Variants in TENM3 observed in about 807,000 individuals in gnomAD.
TENM3 encodes the protein teneurin-3.
A neutral mutation model predicts 255.1 loss-of-function variants in TENM3; 63 were observed. The ratio of observed to expected loss-of-function variants is 0.25; its 90% CI spans 0.20 to 0.30. The LOEUF is 0.30. Among genes scored for constraint, TENM3 ranks in the 10% least tolerant of loss-of-function variants. The probability of loss-of-function intolerance (pLI) is 1.00; values close to 1 mark genes in which losing one functional copy is unlikely to be tolerated. For missense variants in TENM3, 2,929 were observed against 3,461.1 expected (o/e 0.85, Z 3.86); for synonymous variants, 1,306 against 1,322.3 (o/e 0.99, Z 0.27).
At chr4:181,898,753 G>T in the TENM3 span, among the ~76,000 whole-genome samples, 1 of 152,150 alleles carries the variant, frequency 6.6e-6, no homozygotes, top group African/African-American at 2.4e-5. Flanking sequence ...TCTGTCATGT[G>T]TGTGTGATTC....
chr4:181,855,793 C>A, the TENM3 span, among the ~76,000 whole-genome samples: 1 of 145,836 alleles, frequency 6.9e-6, no homozygotes, highest in Non-Finnish European at 1.5e-5. Flanking sequence ...AGAAAGAAAA[C>A]AGAAAATGAG....
Position 182,552,025 on chromosome 4 carries a change from C to CA in TENM3, c.512-48882dup, listed in dbSNP as rs11354411. On this transcript the variant is annotated intron_variant, in intron 3 of 27. Coordinates refer to ENST00000511685, the MANE Select transcript of TENM3 (RefSeq NM_001080477.4). The stretch of plus-strand genomic sequence containing the variant: ...GGGGTGACAGAGCAAGACCCTGTCT[C>CA]AAAAAAAAAAAAAAAAAGTTAAATG... Among the ~76,000 whole-genome samples the CA allele has an allele frequency of 6.8e-3, 743 of 108,646 alleles. 4 individuals are homozygous for CA. The highest frequency in any genetic ancestry group is 0.023 in the Middle Eastern group (5 of 214). The allele number at this position is 108,646 out of a possible 152,430, so 71.3% of individuals were successfully genotyped here.
the TENM3 span, among the ~76,000 whole-genome samples, chr4:181,570,538 A>G: frequency 6.6e-6 from 1 of 151,678 alleles, no homozygotes; most frequent in African/African-American, 2.4e-5. Context: ...CGAAGGAAAG[A>G]AAGAAAGAAA....
At chr4:181,605,574 G>A in the TENM3 span, among the ~76,000 whole-genome samples, 1,902 of 21,538 alleles carry the variant, frequency 0.088, 322 homozygotes, top group East Asian at 0.12. Context: ...AAGAAAGAGA[G>A]AGAAAGAAAG....
At chr4:181,876,469 C>T in the TENM3 span, among the ~76,000 whole-genome samples, 4 of 152,092 alleles carry the variant, frequency 2.6e-5, no homozygotes, top group South Asian at 4.1e-4. Context: ...TGCTGTAATA[C>T]GTTTCCTCTG....
At chr4:182,430,186 T>C (rs556171327) in intron 3 of TENM3, among the ~76,000 whole-genome samples, 2 of 152,228 alleles carry the variant, frequency 1.3e-5, no homozygotes, top group South Asian at 4.1e-4. Flanking sequence ...TAGAGAAAAA[T>C]GTTATTAGGC....
At chr4:182,395,247 A>G (rs1768728425) in intron 3 of TENM3, among the ~76,000 whole-genome samples, 1 of 152,194 alleles carries the variant, frequency 6.6e-6, no homozygotes, top group Non-Finnish European at 1.5e-5. Context: ...AGCCTCCTAT[A>G]CAGCCTGGCT....
intron 3 of TENM3, among the ~76,000 whole-genome samples, chr4:182,394,949 A>T (rs1768698962): frequency 6.6e-6 from 1 of 152,176 alleles, no homozygotes; most frequent in Admixed American, 6.5e-5. Context: ...CGATTCATTC[A>T]TCTTGTTACT....
chr4:182,095,645 TG>T, the TENM3 span, among the ~76,000 whole-genome samples: 6 of 152,164 alleles, frequency 3.9e-5, no homozygotes, highest in Non-Finnish European at 7.4e-5. Flanking sequence ...GAATAATACC[TG>T]GTGTTCAGTA....
chr4:181,536,737 C>T, the TENM3 span, among the ~76,000 whole-genome samples: 1 of 152,228 alleles, frequency 6.6e-6, no homozygotes, highest in Non-Finnish European at 1.5e-5. Context: ...AAATAGCTTT[C>T]ATTATTCTGT....
At chr4:181,810,788 T>C in the TENM3 span, among the ~76,000 whole-genome samples, 2 of 152,032 alleles carry the variant, frequency 1.3e-5, no homozygotes, top group African/African-American at 4.8e-5. Context: ...GAGGAAGTCT[T>C]GGACTAAATG....
chr4:181,915,474 G>A, the TENM3 span, among the ~76,000 whole-genome samples: 3 of 152,020 alleles, frequency 2.0e-5, no homozygotes, highest in East Asian at 1.9e-4. Flanking sequence ...TTGATAGAAA[G>A]AAAATCACTA....
At chr4:182,567,857 A>T (rs1034596228) in intron 3 of TENM3, among the ~76,000 whole-genome samples, 20 of 151,968 alleles carry the variant, frequency 1.3e-4, no homozygotes, top group African/African-American at 4.8e-4. Flanking sequence ...AAAAAAAAAA[A>T]AACAGAAATA....
chr4:181,922,542 C>G, the TENM3 span, among the ~76,000 whole-genome samples: 1 of 152,104 alleles, frequency 6.6e-6, no homozygotes, highest in Non-Finnish European at 1.5e-5. Flanking sequence ...GTAGTATTCT[C>G]TGATGGTAGT....
chr4:182,775,132 T>C lies in TENM3; in HGVS notation c.5283T>C (p.Asn1761=), dbSNP rs778234327. 2 of 1,613,878 alleles carry C rather than the reference T, an allele frequency of 1.2e-6. No homozygotes were observed. Among genetic ancestry groups the C allele is most frequent in the African/African-American group, 1.3e-5 (1 of 74,922 alleles). The change falls in exon 24 of 28, where the codon AAT becomes AAC. Residue 1761 remains asparagine (N), a synonymous_variant. Coordinates refer to ENST00000511685, the MANE Select transcript of TENM3 (RefSeq NM_001080477.4). ...FRKEQAQGKV[N]VFGRKLRVNG... ...AAGAGCAAGCCCAAGGGAAAGTCAA[T>C]GTCTTTGGCCGCAAGCTCAGGGTAC...
chr4:181,798,477 C>T, the TENM3 span, among the ~76,000 whole-genome samples: 1 of 151,878 alleles, frequency 6.6e-6, no homozygotes, highest in African/African-American at 2.4e-5. Flanking sequence ...ATTGGGCTTC[C>T]GCTAGTACAT....
the TENM3 span, among the ~76,000 whole-genome samples, chr4:181,757,931 C>A: frequency 6.6e-6 from 1 of 152,116 alleles, no homozygotes; most frequent in Non-Finnish European, 1.5e-5. Flanking sequence ...TTTCTTTGAT[C>A]TATGATTTGC....
chr4:182,222,787 G>A (rs1252897735), intron 1 of TENM3, among the ~76,000 whole-genome samples: 1 of 152,112 alleles, frequency 6.6e-6, no homozygotes, highest in Non-Finnish European at 1.5e-5. Flanking sequence ...GATGGGAGGA[G>A]GGCCTTCTGC....
At chr4:181,857,284 G>T in the TENM3 span, among the ~76,000 whole-genome samples, 3 of 151,602 alleles carry the variant, frequency 2.0e-5, no homozygotes, top group African/African-American at 2.4e-5. Context: ...CAGAGGTTTT[G>T]GTTGGGTGAA....
Sources: gnomAD v4.1 joint callset for allele counts (sites outside exome capture counted in the v4.1 genomes callset) on GRCh38, gnomAD v4.1.1 for gene constraint, MANE v1.5 for transcripts, NCBI Gene and HGNC (gene_info 2026-07-23, HGNC 2026-07-21) for gene names.